SMARCC1: variants seen among roughly 807,000 people sequenced by gnomAD.
The protein encoded by SMARCC1 is SWI/SNF related BAF chromatin remodeling complex subunit C1.
In SMARCC1, 43 loss-of-function variants were observed where a neutral mutation model predicts 147.4. The ratio of observed to expected loss-of-function variants is 0.29; its 90% CI spans 0.23 to 0.38. The LOEUF (loss-of-function observed/expected upper bound fraction) is 0.38, where lower values mean the gene tolerates loss of function less well. Ranked by LOEUF, SMARCC1 falls within the 10% of genes least tolerant of loss-of-function variation. SMARCC1 has a pLI of 1.00. For synonymous variants in SMARCC1, 495 were observed against 484.4 expected, an observed-to-expected ratio of 1.02 and a Z score of -0.29; for missense variants, 1,119 against 1,381.1, an observed-to-expected ratio of 0.81 and a Z score of 3.01.
chr3:47,745,084 A>C (rs1011015354), intron 3 of SMARCC1, among the ~76,000 whole-genome samples: 13 of 152,152 alleles, frequency 8.5e-5, no homozygotes, highest in African/African-American at 3.1e-4. Context: ...CCTGGCCAAC[A>C]TGGTGAAACC....
At chr3:47,626,247 A>G (rs570179970) in intron 24 of SMARCC1, among the ~76,000 whole-genome samples, 63 of 151,984 alleles carry the variant, frequency 4.1e-4, no homozygotes, top group Non-Finnish European at 7.1e-4. Flanking sequence ...TCTAGGTTCA[A>G]GTGACACTCC....
At chr3:47,596,908 G>A (rs2032292533) in intron 26 of SMARCC1, among the ~76,000 whole-genome samples, 1 of 151,774 alleles carries the variant, frequency 6.6e-6, no homozygotes, top group South Asian at 2.1e-4. Flanking sequence ...AAAGAGATGA[G>A]GTCTTGGCTA....
intron 19 of SMARCC1, among the ~76,000 whole-genome samples, chr3:47,668,892 A>C (rs1178303269): frequency 1.3e-5 from 2 of 152,152 alleles, no homozygotes; most frequent in Non-Finnish European, 2.9e-5. Context: ...TCTTAAAAAA[A>C]AAAAAAAGGT....
intron 14 of SMARCC1, among the ~76,000 whole-genome samples, chr3:47,685,713 CT>C (rs2033713027): frequency 6.6e-6 from 1 of 152,002 alleles, no homozygotes; most frequent in African/African-American, 2.4e-5. Flanking sequence ...AAAAATTAGC[CT>C]GGCACGGCGG....
intron 6 of SMARCC1, among the ~76,000 whole-genome samples, chr3:47,722,312 T>TTTTTA (rs2034242809): frequency 6.6e-6 from 1 of 150,880 alleles, no homozygotes; most frequent in South Asian, 2.1e-4. Context: ...TTTTTTTTTT[T>TTTTTA]TTGAGACAGA....
In SMARCC1 at chr3:47,729,025, CAT is replaced by C. The variant is rs1322768522; in HGVS notation, c.644_645del (p.Asp215GlyfsTer26). The C allele has an allele frequency of 6.2e-7, 1 of 1,604,812 alleles. No individual in the cohort carries two copies. The highest frequency in any genetic ancestry group is 8.5e-7 in the Non-Finnish European group (1 of 1,172,830). On this transcript the variant is annotated frameshift_variant and splice_region_variant, in exon 6 of 28. Coordinates refer to ENST00000254480, the MANE Select transcript of SMARCC1 (RefSeq NM_003074.4). LOFTEE classifies it high-confidence loss of function. ...TGTTCACAACGCAAAACTAACTTAC[CAT>C]CGTCTTGTGAGGAAGAATATGGGTA... The part of the protein sequence containing the change: ...HIYPYSSSQD[D>X]EEWLRPVMRK...
At chr3:47,732,706 T>C (rs1340606103) in intron 5 of SMARCC1, among the ~76,000 whole-genome samples, 1 of 152,150 alleles carries the variant, frequency 6.6e-6, no homozygotes, top group Admixed American at 6.6e-5. Context: ...TCAGAACACA[T>C]ACATTTATCA....
At chr3:47,756,402 G>A (rs1458902191) in intron 2 of SMARCC1, among the ~76,000 whole-genome samples, 1 of 151,014 alleles carries the variant, frequency 6.6e-6, no homozygotes, top group Non-Finnish European at 1.5e-5. Flanking sequence ...GCATGGTGGC[G>A]CATGCCTGTA....
rs115246317 is a variant in SMARCC1, at chr3:47,592,801, G to A, written c.3044-1964C>T. Among the ~76,000 whole-genome samples the A allele has an allele frequency of 2.4e-4, 34 of 144,450 alleles. No homozygotes were observed. In the East Asian group the frequency reaches 5.4e-3, roughly 23 times the overall value. The allele number at this position is 144,450 out of a possible 152,430, so 94.8% of individuals were successfully genotyped here. The stretch of plus-strand genomic sequence containing the variant: ...TTTTGTAGAGATGGGGTCTCACTAC[G>A]TTTCCCAGGCTGGTAGTCTTGTTTT... On this transcript the variant is annotated intron_variant, in intron 26 of 27. Transcript: ENST00000254480.
chr3:47,750,135 C>A (rs1319281797), intron 2 of SMARCC1, among the ~76,000 whole-genome samples: 2 of 151,244 alleles, frequency 1.3e-5, no homozygotes, highest in Admixed American at 1.3e-4. Flanking sequence ...GTGCTGACAT[C>A]TTAAAATAGA....
At chr3:47,593,225 G>A (rs754974731) in intron 26 of SMARCC1, among the ~76,000 whole-genome samples, 7 of 150,496 alleles carry the variant, frequency 4.7e-5, no homozygotes, top group African/African-American at 1.2e-4. Context: ...ACAGAATCTC[G>A]CTGTGTCGCG....
chr3:47,585,677 C>T lies in SMARCC1; in HGVS notation c.*2532G>A, dbSNP rs1029549287. 6 of 152,350 alleles carry T rather than the reference C, an allele frequency of 3.9e-5. No homozygotes were observed. Among genetic ancestry groups the T allele is most frequent in the Non-Finnish European group, 7.3e-5 (5 of 68,040 alleles). The allele number at this position is 152,350 out of a possible 1,614,324, so 9.4% of individuals were successfully genotyped here. A position where few individuals can be genotyped will look rare whatever the true frequency, so the allele number is the denominator to read the frequency against. On this transcript the variant is annotated 3_prime_UTR_variant, in exon 28 of 28. Transcript: ENST00000254480. ...TTGGCCATCATTTTTGGAGAACTTC[C>T]ACTCATTTTCACTTTGACCATGCAA...
At chr3:47,636,788 A>ATGTGTG (rs35445330) in intron 22 of SMARCC1, among the ~76,000 whole-genome samples, 305 of 80,634 alleles carry the variant, frequency 3.8e-3, no homozygotes, top group African/African-American at 9.1e-3. Flanking sequence ...AAATATATAT[A>ATGTGTG]TGTGTGTGTG....
chr3:47,755,083 C>A (rs1014632875), intron 2 of SMARCC1, among the ~76,000 whole-genome samples: 3 of 151,594 alleles, frequency 2.0e-5, no homozygotes, highest in African/African-American at 7.3e-5. Context: ...CAGTTATGCA[C>A]GTCTGTAATC....
At chr3:47,604,146 G>C (rs1475926316) in intron 26 of SMARCC1, 1 of 456,588 alleles carries the variant, frequency 2.2e-6, no homozygotes. Flanking sequence ...CTAGAAGTCC[G>C]TAAGTGTTTA....
intron 7 of SMARCC1, among the ~76,000 whole-genome samples, chr3:47,716,075 C>T (rs1282919171): frequency 2.0e-5 from 3 of 151,046 alleles, no homozygotes; most frequent in Non-Finnish European, 4.4e-5. Flanking sequence ...AGTATGATGA[C>T]AAGTATTAGC....
intron 9 of SMARCC1, among the ~76,000 whole-genome samples, chr3:47,708,182 C>T (rs1576418044): frequency 7.0e-6 from 1 of 142,766 alleles, no homozygotes; most frequent in East Asian, 2.2e-4. Context: ...TCACTGCAAC[C>T]TCCACTACCC....
In SMARCC1 at chr3:47,736,123, T is replaced by A. The variant is rs1292584128; in HGVS notation, c.487A>T (p.Asn163Tyr). The A allele has an allele frequency of 1.3e-6, 2 of 1,550,266 alleles. No homozygotes were observed. Among genetic ancestry groups the A allele is most frequent in the Non-Finnish European group, 1.8e-6 (2 of 1,135,340 alleles). The change falls in exon 5 of 28, where the codon AAT (asparagine) becomes TAT (tyrosine). Residue 163 changes from asparagine to tyrosine, a missense_variant. Transcript: ENST00000254480. Reference protein sequence around the residue: ...MNIEKTLVQNNCLTRPNIYLI... With the variant: ...MNIEKTLVQNYCLTRPNIYLI... ...TAGATGTTGGGTCTGGTCAAACAAT[T>A]GTTCTGAGGATGAAAAGAACAGACT...
chr3:47,762,134 A>T (rs1283156935), intron 2 of SMARCC1, among the ~76,000 whole-genome samples: 6 of 152,160 alleles, frequency 3.9e-5, no homozygotes, highest in Non-Finnish European at 4.4e-5. Flanking sequence ...CAGAGAGAGG[A>T]CTATTAAGAA....
Sources: gnomAD v4.1 joint callset for allele counts (sites outside exome capture counted in the v4.1 genomes callset) on GRCh38, gnomAD v4.1.1 for gene constraint, MANE v1.5 for transcripts, NCBI Gene and HGNC (gene_info 2026-07-23, HGNC 2026-07-21) for gene names.